Variants in OCA2 observed in about 807,000 individuals in gnomAD.
The protein encoded by OCA2 is OCA2 melanosomal transmembrane protein.
OCA2 carries 77 observed loss-of-function variants against 100.2 expected under a neutral mutation model. The ratio of observed to expected loss-of-function variants is 0.77; its 90% CI spans 0.64 to 0.93. OCA2 has a LOEUF of 0.93. OCA2 is among the 40% of genes least tolerant of loss of function. The pLI, the probability that OCA2 is intolerant of heterozygous loss-of-function variation, is 0.00. For synonymous variants in OCA2, 432 were observed against 439.2 expected (o/e 0.98, Z 0.21); for missense variants, 1,062 against 1,089.1 (o/e 0.98, Z 0.35).
intron 23 of OCA2, among the ~76,000 whole-genome samples, chr15:27,798,564 T>A (rs934133680): frequency 6.6e-6 from 1 of 152,190 alleles, no homozygotes; most frequent in Non-Finnish European, 1.5e-5. Flanking sequence ...ATTATTCTCC[T>A]GCTTCCTCGC....
At chr15:28,005,974 G>A (rs2042079916) in intron 9 of OCA2, among the ~76,000 whole-genome samples, 1 of 152,166 alleles carries the variant, frequency 6.6e-6, no homozygotes, top group South Asian at 2.1e-4. Flanking sequence ...CCACACCCTG[G>A]TGAGAAATGT....
chr15:27,796,145 T>C (rs2033320939), intron 23 of OCA2, among the ~76,000 whole-genome samples: 1 of 152,242 alleles, frequency 6.6e-6, no homozygotes, highest in Admixed American at 6.5e-5. Context: ...ACACATCTAC[T>C]CTCTGACTGG....
At chr15:27,808,098 T>C (rs1261814488) in intron 23 of OCA2, among the ~76,000 whole-genome samples, 5 of 152,354 alleles carry the variant, frequency 3.3e-5, no homozygotes, top group African/African-American at 1.2e-4. Context: ...CCAGAGGGCA[T>C]CCCAGTCTCT....
intron 18 of OCA2, among the ~76,000 whole-genome samples, chr15:27,943,362 T>C (rs2039717402): frequency 6.7e-6 from 1 of 149,960 alleles, no homozygotes; most frequent in Non-Finnish European, 1.5e-5. Flanking sequence ...TAGTATAACA[T>C]CACATGACAG....
intron 23 of OCA2, among the ~76,000 whole-genome samples, chr15:27,785,915 A>G (rs2032792861): frequency 6.6e-6 from 1 of 152,234 alleles, no homozygotes; most frequent in African/African-American, 2.4e-5. Flanking sequence ...CATAAAAAAG[A>G]TGAAGTACTG....
intron 1 of OCA2, among the ~76,000 whole-genome samples, chr15:28,084,742 G>A (rs1034522178): frequency 3.9e-5 from 6 of 152,142 alleles, no homozygotes; most frequent in Non-Finnish European, 8.8e-5. Flanking sequence ...CTTGCTGGCT[G>A]TGGGCCAGCA....
chr15:27,743,512 C>T, the OCA2 span, among the ~76,000 whole-genome samples: 3 of 152,276 alleles, frequency 2.0e-5, no homozygotes, highest in East Asian at 1.9e-4. Flanking sequence ...TGCTCTCCTC[C>T]GTCTGCCCAG....
chr15:27,988,568 C>G (rs2041438053), intron 11 of OCA2, among the ~76,000 whole-genome samples: 2 of 152,124 alleles, frequency 1.3e-5, no homozygotes, highest in South Asian at 4.2e-4. Flanking sequence ...AGAAAGCATG[C>G]CTGCCCACAC....
Position 27,865,095 on chromosome 15 carries a change from C to T in OCA2, c.2244+6059G>A, listed in dbSNP as rs192383116. On this transcript the variant is annotated intron_variant, in intron 21 of 23. Transcript: ENST00000354638. ...GTTGCTCTCAGGCCATAGCTGACAA[C>T]GCAAATGTAGCAGAAACAACCCCAA... 2.7e-3 allele frequency among the ~76,000 whole-genome samples: 415 copies of T among 151,936 alleles called. 2 individuals are homozygous for T. The highest frequency in any genetic ancestry group is 9.5e-3 in the African/African-American group (396 of 41,472).
chr15:28,035,695 G>A (rs2043027464), intron 2 of OCA2, among the ~76,000 whole-genome samples: 1 of 151,950 alleles, frequency 6.6e-6, no homozygotes, highest in Admixed American at 6.6e-5. Context: ...ACTGAGCACT[G>A]TCTAGTTTTA....
intron 11 of OCA2, among the ~76,000 whole-genome samples, chr15:27,987,046 C>T (rs747985443): frequency 2.6e-5 from 4 of 152,220 alleles, no homozygotes; most frequent in Non-Finnish European, 5.9e-5. Flanking sequence ...TCTGCACCTA[C>T]GTGTCCACAC....
At chr15:27,910,785 G>A (rs866988862) in intron 19 of OCA2, among the ~76,000 whole-genome samples, 7 of 151,692 alleles carry the variant, frequency 4.6e-5, no homozygotes, top group South Asian at 2.1e-4. Context: ...GTGAAACCCC[G>A]CATCTACTAA....
chr15:28,047,806 G>T (rs530732250), intron 2 of OCA2, among the ~76,000 whole-genome samples: 1 of 152,246 alleles, frequency 6.6e-6, no homozygotes, highest in South Asian at 2.1e-4. Context: ...ACATCCAGAT[G>T]GGGAAGGAAG....
intron 19 of OCA2, among the ~76,000 whole-genome samples, chr15:27,921,225 T>C (rs2038846695): frequency 6.6e-6 from 1 of 151,672 alleles, no homozygotes; most frequent in South Asian, 2.1e-4. Context: ...AATGACTCAA[T>C]GCGCATATAG....
chr15:28,082,159 G>A (rs1371178951), intron 1 of OCA2, among the ~76,000 whole-genome samples: 1 of 152,154 alleles, frequency 6.6e-6, no homozygotes, highest in Non-Finnish European at 1.5e-5. Context: ...CTAGAGGATT[G>A]TAAATGCACC....
the OCA2 span, among the ~76,000 whole-genome samples, chr15:27,734,134 A>G: frequency 7.0e-6 from 1 of 143,744 alleles, no homozygotes; most frequent in African/African-American, 2.6e-5. Context: ...CACTCCAGAT[A>G]GAGTGAGGCT....
the OCA2 span, among the ~76,000 whole-genome samples, chr15:27,742,869 C>G: frequency 6.6e-6 from 1 of 152,068 alleles, no homozygotes; most frequent in Non-Finnish European, 1.5e-5. Context: ...GTGAAGGAAG[C>G]GGGAGAAAAT....
the OCA2 span, among the ~76,000 whole-genome samples, chr15:27,742,726 C>T: frequency 6.6e-6 from 1 of 152,170 alleles, no homozygotes; most frequent in Admixed American, 6.5e-5. Context: ...CCTCAGGCAC[C>T]TCGAGCTCTC....
intron 7 of OCA2, among the ~76,000 whole-genome samples, chr15:28,016,742 C>CTG (rs2042406264): frequency 6.6e-6 from 1 of 152,056 alleles, no homozygotes; most frequent in Non-Finnish European, 1.5e-5. Flanking sequence ...GATCATACCA[C>CTG]TACACCCCAG....
Sources: gnomAD v4.1 joint callset for allele counts (sites outside exome capture counted in the v4.1 genomes callset) on GRCh38, gnomAD v4.1.1 for gene constraint, MANE v1.5 for transcripts, NCBI Gene and HGNC (gene_info 2026-07-23, HGNC 2026-07-21) for gene names.